The following MCM7 variants were observed in gnomAD, a reference collection of about 807,000 sequenced individuals.
MCM7 encodes minichromosome maintenance complex component 7.
Under a neutral mutation model 83.5 loss-of-function variants are expected in MCM7, and 95 were observed. The observed-to-expected ratio is 1.14, with a 90% confidence interval of 0.96 to 1.35. MCM7 has a LOEUF of 1.35. MCM7 is among the 40% of genes most tolerant of loss of function. The pLI, the probability that MCM7 is intolerant of heterozygous loss-of-function variation, is 0.00. For synonymous variants in MCM7, 461 were observed against 352.7 expected (o/e 1.31, Z -3.44); for missense variants, 1,087 against 957.4 (o/e 1.14, Z -1.79).
At position 100,101,370 on chromosome 7, in the gene MCM7, G is replaced by A; in HGVS notation, c.-76C>T. On this transcript the variant is annotated 5_prime_UTR_variant, in exon 1 of 15. Transcript: ENST00000303887. ...CTGGGGAAGCTGAGAATCTCCGCGC[G>A]GTGGACTGTGGCCGGCCAACCGAAA... 3 of 1,592,726 alleles carry A rather than the reference G, an allele frequency of 1.9e-6. No individual in the cohort carries two copies. Among genetic ancestry groups the A allele is most frequent in the Non-Finnish European group, 2.6e-6 (3 of 1,166,220 alleles).
chr7:100,092,859 G>A lies in MCM7; in HGVS notation c.*73C>T. ...AGAGGGGCTCCTCCTTCCCCTCAAAGGCATCACTGCCCCTTCCCAAGGGGC... is the reference window on the plus strand; with the variant it reads ...AGAGGGGCTCCTCCTTCCCCTCAAAAGCATCACTGCCCCTTCCCAAGGGGC... On this transcript the variant is annotated 3_prime_UTR_variant, in exon 15 of 15. Transcript: ENST00000303887. 1.3e-6 allele frequency: 2 copies of A among 1,511,914 alleles called. No individual in the cohort carries two copies. The highest frequency in any genetic ancestry group is 1.1e-5 in the South Asian group (1 of 88,474). 93.7% of individuals were successfully genotyped at this position (1,511,914 alleles called of 1,614,324 possible).
chr7:100,099,624 C>G lies in MCM7; in HGVS notation c.241G>C (p.Val81Leu), dbSNP rs369786811. 1.5e-5 allele frequency: 24 copies of G among 1,614,064 alleles called. No individual in the cohort carries two copies. The South Asian group carries it at 1.8e-4, about 12-fold the overall frequency. ...TTGTACTGAGGCAGCAGCTCTTGTA[C>G]GGCATCAGCAAAGAGCTTCGCGTAG... ...RRYAKLFADA[V>L]QELLPQYKER... The change falls in exon 3 of 15, where the codon GTA becomes CTA. Residue 81 changes from valine to leucine, a missense_variant. Physicochemically the swap from Val to Leu is conservative, Grantham distance 32. Coordinates refer to ENST00000303887, the MANE Select transcript of MCM7 (RefSeq NM_005916.5).
chr7:100,098,019 T>C, intron 7 of MCM7, 71 bp from the exon 8 acceptor site: 1 of 1,584,114 alleles, frequency 6.3e-7, no homozygotes, highest in Admixed American at 1.7e-5. Flanking sequence ...CCCTAACAAT[T>C]TCTTGACAAA....
intron 7 of MCM7, 57 bp from the exon 8 acceptor site, chr7:100,098,005 G>A (rs918243781): frequency 1.4e-5 from 22 of 1,586,762 alleles, no homozygotes; most frequent in African/African-American, 1.1e-4. Flanking sequence ...CCCATCACTG[G>A]ATTCCCTAAC....
Position 100,097,714 on chromosome 7 carries a change from T to C in MCM7, c.1017A>G (p.Ser339=), listed in dbSNP as rs1184120979. 1 of 1,614,238 alleles carries C rather than the reference T, an allele frequency of 6.2e-7. No individual in the cohort carries two copies. Among genetic ancestry groups the C allele is most frequent in the East Asian group, 2.2e-5 (1 of 44,888 alleles). ...EEDFYEKLAA[S]IAPEIYGHED... is the part of the protein sequence containing the mutation. ...CATGCCCGTATATTTCTGGGGCGAT[T>C]GAAGCTGCCAGCTTTTCGTAGAAAT... Residue 339 remains serine, a synonymous_variant, in exon 9 of 15, where the codon TCA becomes TCG. Transcript: ENST00000303887.
In MCM7 at chr7:100,094,307, T is replaced by C. The variant is rs758780983; in HGVS notation, c.1714A>G (p.Met572Val). 9.3e-6 allele frequency: 15 copies of C among 1,614,148 alleles called. No individual in the cohort carries two copies. Among genetic ancestry groups the C allele is most frequent in the Admixed American group, 1.7e-5 (1 of 60,016 alleles). The stretch of plus-strand genomic sequence containing the variant: ...TAGTCAGCCAGAGACTCTGGCACCA[T>C]GGGCTGCTTCTCGCGGCACATGGCT... ...YIAMCREKQP[M>V]VPESLADYIT... The change falls in exon 13 of 15, where the codon ATG becomes GTG. Residue 572 changes from methionine (M) to valine (V), a missense_variant. Physicochemically the swap from Met to Val is conservative, Grantham distance 21. Coordinates refer to ENST00000303887, the MANE Select transcript of MCM7 (RefSeq NM_005916.5).
Position 100,099,372 on chromosome 7 carries a change from A to C in MCM7, c.308T>G (p.Ile103Ser). Residue 103 changes from isoleucine to serine, a missense_variant, in exon 4 of 15, where the codon ATT (isoleucine) becomes AGT (serine). Coordinates refer to ENST00000303887, the MANE Select transcript of MCM7 (RefSeq NM_005916.5). ...CTGCTCCATCATTAGCCGATGCTCA[A>C]TGTAAACGTCCAGGACATCTTTATT... ...VVNKDVLDVY[I>S]EHRLMMEQRS... 1 of 1,610,296 alleles carries C rather than the reference A, an allele frequency of 6.2e-7. No homozygotes were observed. The highest frequency in any genetic ancestry group is 1.1e-5 in the South Asian group (1 of 90,870).
chr7:100,100,976 C>G (rs986663965), intron 1 of MCM7: 32 of 959,796 alleles, frequency 3.3e-5, no homozygotes, highest in African/African-American at 8.5e-5. Context: ...CTGGGCGCGA[C>G]TTTTCCCTGT....
chr7:100,099,418 C>CAAAAAGAAAAAA lies in MCM7; in HGVS notation c.277-16_277-15insTTTTTTCTTTTT. The stretch of plus-strand genomic sequence containing the variant: ...TTATTTACCACCTAAAGGAGAAGAA[C>CAAAAAGAAAAAA]AAAAAAAAAAAAAAAAAAGAGCAAC... On this transcript the variant is annotated splice_polypyrimidine_tract_variant and intron_variant, in intron 3 of 14. Transcript: ENST00000303887. 2 of 1,302,352 alleles carry CAAAAAGAAAAAA rather than the reference C, an allele frequency of 1.5e-6. No individual in the cohort carries two copies. The highest frequency in any genetic ancestry group is 2.0e-6 in the Non-Finnish European group (2 of 1,013,602). The allele number at this position is 1,302,352 out of a possible 1,614,324, so 80.7% of individuals were successfully genotyped here.
intron 12 of MCM7, 80 bp downstream of exon 12, chr7:100,095,307 C>A: frequency 7.9e-7 from 1 of 1,258,468 alleles, no homozygotes; most frequent in Non-Finnish European, 1.1e-6. Flanking sequence ...AAAACACACA[C>A]CCTAAGACTA....
chr7:100,094,117 G>A (rs1527423), intron 13 of MCM7, 56 bp downstream of exon 13: 849,156 of 1,608,254 alleles, frequency 0.53, 230,149 homozygotes, highest in East Asian at 0.82. Context: ...AGCACGGTAA[G>A]GAGCTACCCC....
Position 100,099,308 on chromosome 7 carries a change from G to C in MCM7, c.372C>G (p.Asn124Lys). The change falls in exon 4 of 15, where the codon AAC (asparagine) becomes AAG (lysine). Residue 124 changes from asparagine (N) to lysine (K), a missense_variant. By Grantham distance (94) the Asn-to-Lys change is moderately conservative. Coordinates refer to ENST00000303887, the MANE Select transcript of MCM7 (RefSeq NM_005916.5). Reference sequence around the variant, plus strand: ...TGCGCATGAGTTCAGCAGGGTACTGGTTCTGGGGGCTTCGGACCATCCCAG... The same window carrying C: ...TGCGCATGAGTTCAGCAGGGTACTGCTTCTGGGGGCTTCGGACCATCCCAG... ...RDPGMVRSPQ[N>K]QYPAELMRRF... 1 of 1,613,642 alleles carries C rather than the reference G, an allele frequency of 6.2e-7. No individual in the cohort carries two copies. The highest frequency in any genetic ancestry group is 1.1e-5 in the South Asian group (1 of 91,064).
chr7:100,099,408 A>AGG lies in MCM7; in HGVS notation c.277-7_277-6dup. The AGG allele has an allele frequency of 6.3e-7, 1 of 1,576,664 alleles. No individual in the cohort carries two copies. Among genetic ancestry groups the AGG allele is most frequent in the Admixed American group, 1.9e-5 (1 of 52,842 alleles). On this transcript the variant is annotated splice_polypyrimidine_tract_variant and splice_region_variant and intron_variant, in intron 3 of 14. Transcript: ENST00000303887. ...CAGGACATCTTTATTTACCACCTAA[A>AGG]GGAGAAGAACAAAAAAAAAAAAAAA...
chr7:100,101,248 G>A lies in MCM7; in HGVS notation c.31+16C>T. On this transcript the variant is annotated intron_variant, in intron 1 of 14. Transcript: ENST00000303887. ...CTCCCCGCGCAGGACGCCCTCCCGG[G>A]CTCGTAGACCCGTACCCTTCTCTAG... 1 of 1,613,014 alleles carries A rather than the reference G, an allele frequency of 6.2e-7. No individual in the cohort carries two copies. Among genetic ancestry groups the A allele is most frequent in the Non-Finnish European group, 8.5e-7 (1 of 1,179,840 alleles).
At chr7:100,093,175 GGAATGCTC>G in intron 14 of MCM7, 42 bp from the exon 15 acceptor site, 2 of 1,606,576 alleles carry the variant, frequency 1.2e-6, no homozygotes, top group Non-Finnish European at 1.7e-6. Context: ...GATACAAACA[GGAATGCTC>G]GACATCAACA....
At position 100,093,069 on chromosome 7, in the gene MCM7, C is replaced by G; in HGVS notation, c.2023G>C (p.Val675Leu). Reference sequence around the variant, plus strand: ...CGCTGCTCTGCCTCAGAGAACCGGACACTTCGGCCCCCTGAGACCAGTTCA... The same window carrying G: ...CGCTGCTCTGCCTCAGAGAACCGGAGACTTCGGCCCCCTGAGACCAGTTCA... The part of the protein sequence containing the change: ...VRELVSGGRS[V>L]RFSEAEQRCV... The change falls in exon 15 of 15, where the codon GTC (valine) becomes CTC (leucine). Residue 675 changes from valine to leucine, a missense_variant. Val to Leu is a conservative substitution (Grantham distance 32, BLOSUM62 1). Coordinates refer to ENST00000303887, the MANE Select transcript of MCM7 (RefSeq NM_005916.5). 6.2e-7 allele frequency: 1 copy of G among 1,614,242 alleles called. No homozygotes were observed. Among genetic ancestry groups the G allele is most frequent in the Non-Finnish European group, 8.5e-7 (1 of 1,180,044 alleles).
rs751678616 is a variant in MCM7, at chr7:100,099,208, G to C, written c.402-5C>G. 6 of 1,613,870 alleles carry C rather than the reference G, an allele frequency of 3.7e-6. No individual in the cohort carries two copies. The highest frequency in any genetic ancestry group is 5.1e-6 in the Non-Finnish European group (6 of 1,179,974). On this transcript the variant is annotated splice_region_variant and splice_polypyrimidine_tract_variant and intron_variant, in intron 4 of 14. Coordinates refer to ENST00000303887, the MANE Select transcript of MCM7 (RefSeq NM_005916.5). ...GGGCCTTGAAAATACAGCTCACTAA[G>C]GGGAGAAAACAGTCACAAACAAGAT... is the stretch of plus-strand genomic sequence containing the variant.
chr7:100,094,892 A>G (rs1030019120), intron 12 of MCM7, among the ~76,000 whole-genome samples: 1 of 152,236 alleles, frequency 6.6e-6, no homozygotes, highest in Non-Finnish European at 1.5e-5. Context: ...TGATACACAT[A>G]ACCTGAAGGT....
chr7:100,094,564 TA>T (rs1219118745), intron 12 of MCM7, among the ~76,000 whole-genome samples: 2 of 152,230 alleles, frequency 1.3e-5, no homozygotes. Flanking sequence ...AGTTATTTCC[TA>T]TTTTTTTCGG....
Sources: gnomAD v4.1 joint callset for allele counts (sites outside exome capture counted in the v4.1 genomes callset) on GRCh38, gnomAD v4.1.1 for gene constraint, MANE v1.5 for transcripts, NCBI Gene and HGNC (gene_info 2026-07-23, HGNC 2026-07-21) for gene names.